The following THRB variants were observed in gnomAD, a reference collection of about 807,000 sequenced individuals.
The protein encoded by THRB is thyroid hormone receptor beta, also known as nuclear receptor subfamily 1 group A member 2.
THRB carries 12 observed loss-of-function variants against 47.8 expected under a neutral mutation model. The observed-to-expected ratio is 0.25, with a 90% CI of 0.16 to 0.41. The LOEUF (loss-of-function observed/expected upper bound fraction) is 0.41, where lower values mean the gene tolerates loss of function less well. Ranked by LOEUF, THRB falls within the 10% of genes least tolerant of loss-of-function variation. The probability of loss-of-function intolerance (pLI) is 1.00; values close to 1 mark genes in which losing one functional copy is unlikely to be tolerated. For missense variants in THRB, 348 were observed against 589.2 expected, an observed-to-expected ratio of 0.59 and a Z score of 4.24; for synonymous variants, 218 against 212.2, an observed-to-expected ratio of 1.03 and a Z score of -0.24.
At position 24,267,446 on chromosome 3, in the gene THRB, G is replaced by A. The variant is rs139668378; in HGVS notation, c.-43+29780C>T. ...GGATAAAGAGTGATAAACAATGACT[G>A]ACCACTGACAAAAATTCTCTGCTAG... On this transcript the variant is annotated intron_variant, in intron 3 of 10. Coordinates refer to ENST00000646209, the MANE Select transcript of THRB (RefSeq NM_001354712.2). 3.2e-4 allele frequency among the ~76,000 whole-genome samples: 49 copies of A among 151,696 alleles called. 1 individual carries two copies. The East Asian group carries it at 7.6e-3, about 23-fold the overall frequency.
chr3:24,493,305 G>A (rs1330726013), intron 1 of THRB, among the ~76,000 whole-genome samples: 2 of 152,186 alleles, frequency 1.3e-5, no homozygotes, highest in Non-Finnish European at 2.9e-5. Flanking sequence ...ACGTTAAAAT[G>A]CAATTTTTAT....
intron 4 of THRB, among the ~76,000 whole-genome samples, chr3:24,205,236 T>G (rs1290334649): frequency 6.6e-6 from 1 of 152,056 alleles, no homozygotes; most frequent in Admixed American, 6.6e-5. Flanking sequence ...GGAAAAAATG[T>G]TAAGGGCAGC....
chr3:24,345,573 G>A (rs2062961680), intron 1 of THRB, among the ~76,000 whole-genome samples: 1 of 152,158 alleles, frequency 6.6e-6, no homozygotes, highest in Non-Finnish European at 1.5e-5. Flanking sequence ...ATAGAGACGT[G>A]ATGAGGATTA....
intron 1 of THRB, among the ~76,000 whole-genome samples, chr3:24,373,031 T>C (rs2065030723): frequency 1.3e-5 from 2 of 152,204 alleles, no homozygotes; most frequent in Admixed American, 1.3e-4. Flanking sequence ...TCAGCCTAAG[T>C]GGGCAAGACT....
Position 24,188,281 on chromosome 3 carries a change from G to A in THRB, c.283+1793C>T, listed in dbSNP as rs1446425234. ...AATAATGACAGTTGCTATTCAGAGAGCACTATAAGTCAGGTACTTTGCTAA... is the reference window on the plus strand; with the variant it reads ...AATAATGACAGTTGCTATTCAGAGAACACTATAAGTCAGGTACTTTGCTAA... On this transcript the variant is annotated intron_variant, in intron 5 of 10. Transcript: ENST00000646209. 3.9e-5 allele frequency among the ~76,000 whole-genome samples: 6 copies of A among 152,136 alleles called. No homozygotes were observed. In the South Asian group the frequency reaches 1.2e-3, roughly 32 times the overall value.
intron 4 of THRB, among the ~76,000 whole-genome samples, chr3:24,214,665 C>T (rs2046387255): frequency 1.3e-5 from 2 of 152,174 alleles, no homozygotes; most frequent in South Asian, 4.1e-4. Flanking sequence ...TCTGATCTGT[C>T]AGTGAGTAGG....
intron 1 of THRB, among the ~76,000 whole-genome samples, chr3:24,471,427 A>G (rs753496651): frequency 6.6e-6 from 1 of 152,230 alleles, no homozygotes; most frequent in Non-Finnish European, 1.5e-5. Flanking sequence ...ATACTAAATT[A>G]ATAATTGATA....
chr3:24,269,352 G>A (rs1355519582), intron 3 of THRB, among the ~76,000 whole-genome samples: 1 of 141,482 alleles, frequency 7.1e-6, no homozygotes. Context: ...CCAGGCTGGA[G>A]TGCAGCGACA....
intron 4 of THRB, among the ~76,000 whole-genome samples, chr3:24,200,792 C>A (rs2044500804): frequency 6.6e-6 from 1 of 152,202 alleles, no homozygotes; most frequent in Non-Finnish European, 1.5e-5. Context: ...CCACAGCATG[C>A]ACAGCTATCT....
chr3:24,251,658 G>A (rs1252495227), intron 3 of THRB, among the ~76,000 whole-genome samples: 1 of 151,886 alleles, frequency 6.6e-6, no homozygotes, highest in Non-Finnish European at 1.5e-5. Context: ...GAAAATCATG[G>A]GAAAAACTTA....
chr3:24,204,241 C>A (rs7636652), intron 4 of THRB, among the ~76,000 whole-genome samples: 1 of 152,252 alleles, frequency 6.6e-6, no homozygotes, highest in Admixed American at 6.5e-5. Flanking sequence ...AGCCTTACTG[C>A]GAGGCACCCC....
chr3:24,233,611 G>GAAAAAT (rs1190094793), intron 3 of THRB, among the ~76,000 whole-genome samples: 2 of 133,222 alleles, frequency 1.5e-5, no homozygotes, highest in African/African-American at 5.6e-5. Context: ...AAGAAAGAAA[G>GAAAAAT]AAAGAGAAAG....
chr3:24,479,132 A>G (rs1695965061), intron 1 of THRB, among the ~76,000 whole-genome samples: 2 of 152,048 alleles, frequency 1.3e-5, no homozygotes, highest in African/African-American at 4.8e-5. Context: ...CCCCGTCTCT[A>G]TTAAAAATAC....
At chr3:24,487,591 A>C (rs1697499144) in intron 1 of THRB, among the ~76,000 whole-genome samples, 1 of 152,204 alleles carries the variant, frequency 6.6e-6, no homozygotes, top group Non-Finnish European at 1.5e-5. Context: ...TTCAGGAGCA[A>C]GTAGAAGGGA....
intron 4 of THRB, among the ~76,000 whole-genome samples, chr3:24,218,969 T>A (rs1003796398): frequency 2.6e-5 from 4 of 152,198 alleles, no homozygotes; most frequent in Non-Finnish European, 5.9e-5. Context: ...TAAAGCAGCA[T>A]AGAATAGCAT....
chr3:24,366,223 G>T (rs192329551), intron 1 of THRB, among the ~76,000 whole-genome samples: 13 of 152,208 alleles, frequency 8.5e-5, no homozygotes, highest in African/African-American at 2.6e-4. Flanking sequence ...ATCAACCATC[G>T]TTGAATCAGA....
chr3:24,294,661 GAGACAAT>G (rs1172164165), intron 3 of THRB, among the ~76,000 whole-genome samples: 1 of 152,148 alleles, frequency 6.6e-6, no homozygotes, highest in Admixed American at 6.5e-5. Context: ...AGGCAACACG[GAGACAAT>G]AGTAGGGCAA....
intron 1 of THRB, among the ~76,000 whole-genome samples, chr3:24,376,150 T>C (rs2065269353): frequency 6.6e-6 from 1 of 152,150 alleles, no homozygotes; most frequent in Non-Finnish European, 1.5e-5. Flanking sequence ...AGGTTTTAAG[T>C]GTGTCTATAA....
intron 4 of THRB, among the ~76,000 whole-genome samples, chr3:24,198,725 G>C (rs910252378): frequency 1.3e-5 from 2 of 152,018 alleles, no homozygotes; most frequent in African/African-American, 4.8e-5. Flanking sequence ...AGCTCTTGTT[G>C]GTGTATGTTA....
Sources: gnomAD v4.1 joint callset for allele counts (sites outside exome capture counted in the v4.1 genomes callset) on GRCh38, gnomAD v4.1.1 for gene constraint, MANE v1.5 for transcripts, NCBI Gene and HGNC (gene_info 2026-07-23, HGNC 2026-07-21) for gene names.